The following SYNE2 variants were observed in gnomAD, a reference collection of about 807,000 sequenced individuals.
The protein encoded by SYNE2 is nesprin-2.
Under a neutral mutation model 856.3 loss-of-function variants are expected in SYNE2, and 431 were observed. That is an observed-to-expected ratio of 0.50 (90% CI 0.47 to 0.55). SYNE2 has a LOEUF of 0.55. SYNE2 is among the 20% of genes least tolerant of loss of function. The pLI is 0.00. For synonymous variants in SYNE2, 2,923 were observed against 2,872.3 expected (o/e 1.02, Z -0.56); for missense variants, 8,129 against 8,023.2 (o/e 1.01, Z -0.50).
rs774314676 is a variant in SYNE2 at position 64,152,654 on chromosome 14, T to G, written c.15730T>G (p.Leu5244Val). The change falls in exon 85 of 116, where the codon TTA becomes GTA. Residue 5244 changes from leucine (L) to valine (V), a missense_variant. Coordinates refer to ENST00000555002, the MANE Select transcript of SYNE2 (RefSeq NM_182914.3). Reference sequence around the variant, plus strand: ...TTTGGAGAGTGGGGCAGTGCCATTGTTAGAAGATACAGCATCCCGAATTGA... The same window carrying G: ...TTTGGAGAGTGGGGCAGTGCCATTGGTAGAAGATACAGCATCCCGAATTGA... The part of the protein sequence containing the change: ...LTLESGAVPL[L>V]EDTASRIDEL... 1.1e-5 allele frequency: 18 copies of G among 1,614,052 alleles called. No homozygotes were observed. The highest frequency in any genetic ancestry group is 1.3e-5 in the Non-Finnish European group (15 of 1,180,030).
At chr14:63,935,217 A>G (rs1299348654) in intron 2 of SYNE2, among the ~76,000 whole-genome samples, 1 of 152,210 alleles carries the variant, frequency 6.6e-6, no homozygotes, top group African/African-American at 2.4e-5. Flanking sequence ...AAAAGCCTGA[A>G]TTATCCAGTT....
chr14:63,895,667 C>T (rs2095239039), intron 1 of SYNE2, among the ~76,000 whole-genome samples: 1 of 146,318 alleles, frequency 6.8e-6, no homozygotes, highest in African/African-American at 2.6e-5. Flanking sequence ...ACTCAAGAGG[C>T]TGAGGTGGGA....
chr14:63,818,209 C>A (rs1014379479), intron 1 of SYNE2, among the ~76,000 whole-genome samples: 5 of 151,798 alleles, frequency 3.3e-5, no homozygotes, highest in South Asian at 2.1e-4. Flanking sequence ...GTGGCACATG[C>A]CTGTAGTCCC....
chr14:64,037,971 G>A (rs1253991729), intron 45 of SYNE2, among the ~76,000 whole-genome samples: 2 of 151,950 alleles, frequency 1.3e-5, no homozygotes, highest in East Asian at 1.9e-4. Flanking sequence ...CGGACGGGGC[G>A]GCTGCCGGGC....
At chr14:63,953,050 T>TG (rs1566896485) in intron 7 of SYNE2, among the ~76,000 whole-genome samples, 1 of 152,192 alleles carries the variant, frequency 6.6e-6, no homozygotes, top group East Asian at 1.9e-4. Flanking sequence ...CCTGGTGATA[T>TG]GCCAGGCATT....
chr14:64,180,586 C>T (rs2098453239), intron 96 of SYNE2, among the ~76,000 whole-genome samples: 1 of 151,564 alleles, frequency 6.6e-6, no homozygotes, highest in Non-Finnish European at 1.5e-5. Flanking sequence ...CTCACTGAAA[C>T]CTCTGCCTCC....
At position 64,070,913 on chromosome 14, in the gene SYNE2, A is replaced by G. The variant is rs1302763593; in HGVS notation, c.10697+3A>G. On this transcript the variant is annotated splice_donor_region_variant and intron_variant, in intron 52 of 115. Transcript: ENST00000555002. ...TCTATGAAAGAACGATGCAACAAGT[A>G]AGATTTATGAAAAACTATTAAGGAC... 6.2e-7 allele frequency: 1 copy of G among 1,614,046 alleles called. No homozygotes were observed. The highest frequency in any genetic ancestry group is 2.2e-5 in the East Asian group (1 of 44,886).
intron 57 of SYNE2, among the ~76,000 whole-genome samples, chr14:64,083,647 C>G (rs78271652): frequency 0.032 from 4,849 of 152,254 alleles, 111 homozygotes; most frequent in Admixed American, 0.065. Context: ...AATAACTAGT[C>G]CTATGTGAAA....
chr14:63,990,752 CATA>C (rs891192755), intron 20 of SYNE2, among the ~76,000 whole-genome samples, 183 bp downstream of exon 20: 2 of 151,896 alleles, frequency 1.3e-5, no homozygotes, highest in African/African-American at 2.4e-5. Flanking sequence ...TCATAAGTAT[CATA>C]GTATATAAGT....
chr14:63,766,193 C>G (rs926360171), intron 1 of SYNE2, among the ~76,000 whole-genome samples: 2 of 151,770 alleles, frequency 1.3e-5, no homozygotes, highest in African/African-American at 4.8e-5. Flanking sequence ...ATTCTCCTGC[C>G]TCAGCCTCCC....
At chr14:63,858,689 A>G (rs1892614394) in intron 1 of SYNE2, among the ~76,000 whole-genome samples, 1 of 152,102 alleles carries the variant, frequency 6.6e-6, no homozygotes, top group African/African-American at 2.4e-5. Context: ...ATCTCTTAAT[A>G]CTGTAATATT....
intron 45 of SYNE2, among the ~76,000 whole-genome samples, chr14:64,032,654 C>T (rs1001417860): frequency 1.3e-5 from 2 of 152,092 alleles, no homozygotes; most frequent in Non-Finnish European, 2.9e-5. Context: ...CTCACCGCAA[C>T]CTCTGCCTCC....
intron 31 of SYNE2, among the ~76,000 whole-genome samples, chr14:64,007,593 T>A: frequency 6.6e-6 from 1 of 152,086 alleles, no homozygotes; most frequent in East Asian, 1.9e-4. Context: ...AGTGGTAAAA[T>A]AGGCTGCGTG....
intron 1 of SYNE2, among the ~76,000 whole-genome samples, chr14:63,826,895 C>G (rs1402745999): frequency 6.6e-6 from 1 of 151,940 alleles, no homozygotes; most frequent in African/African-American, 2.4e-5. Context: ...TTAAAAACTC[C>G]CCAAGAAAGT....
At chr14:64,100,528 AAAAATATATATATATATATATAT>A (rs1336379365) in intron 63 of SYNE2, among the ~76,000 whole-genome samples, 2 of 74,440 alleles carry the variant, frequency 2.7e-5, no homozygotes, top group Non-Finnish European at 4.7e-5. Context: ...AAAAAAAAAA[AAAAATATATATATATATATATAT>A]ATATATATAT....
rs1040120936 is a variant in SYNE2, at chr14:64,208,096, T to C, written c.18202-662T>C. 4 of 456,084 alleles carry C rather than the reference T, an allele frequency of 8.8e-6. No individual in the cohort carries two copies. The Admixed American group carries it at 9.4e-5, about 11-fold the overall frequency. 28.3% of individuals were successfully genotyped at this position (456,084 alleles called of 1,614,324 possible). A position where few individuals can be genotyped will look rare whatever the true frequency, so the allele number is the denominator to read the frequency against. ...TGTTATTTTTCCCAAATTGGGGAAC[T>C]GCATCACTATCATCATCAAAGGACA... On this transcript the variant is annotated intron_variant, in intron 100 of 115. Transcript: ENST00000555002.
chr14:64,201,278 G>A (rs946589436), intron 99 of SYNE2, among the ~76,000 whole-genome samples: 1 of 152,214 alleles, frequency 6.6e-6, no homozygotes, highest in Non-Finnish European at 1.5e-5. Flanking sequence ...AGGGGGCTGA[G>A]GTGAAAGGAC....
rs1395277661 is a variant in SYNE2 at position 64,078,073 on chromosome 14, T to C, written c.11023-393T>C. ...ACAGATCTATGCAGATAGATTCTCA[T>C]AAAATGGAAAGATTGTATAAAAATA... On this transcript the variant is annotated intron_variant, in intron 54 of 115. Coordinates refer to ENST00000555002, the MANE Select transcript of SYNE2 (RefSeq NM_182914.3). 2.0e-5 allele frequency among the ~76,000 whole-genome samples: 3 copies of C among 152,204 alleles called. 1 individual carries two copies. Among genetic ancestry groups the C allele is most frequent in the South Asian group, 4.1e-4 (2 of 4,832 alleles).
rs1352045187 is a variant in SYNE2, at chr14:64,174,282, G to C, written c.17236-662G>C. ...AGTCAGGGTTTCTCCATGTTGGCCA[G>C]GCTGGTCTCGAACCCCTGAGCTCAA... On this transcript the variant is annotated intron_variant, in intron 94 of 115. Coordinates refer to ENST00000555002, the MANE Select transcript of SYNE2 (RefSeq NM_182914.3). Among the ~76,000 whole-genome samples the C allele has an allele frequency of 2.0e-5, 3 of 152,300 alleles. No individual in the cohort carries two copies. In the East Asian group the frequency reaches 5.8e-4, roughly 29 times the overall value.
Sources: allele counts gnomAD v4.1 joint callset (sites outside exome capture counted in the v4.1 genomes callset), GRCh38; gene constraint gnomAD v4.1.1; transcripts MANE v1.5; gene names NCBI Gene and HGNC (gene_info 2026-07-23, HGNC 2026-07-21).